DLG1: variants seen among roughly 807,000 people sequenced by gnomAD.
The protein encoded by DLG1 is disks large homolog 1.
Under a neutral mutation model 123.4 loss-of-function variants are expected in DLG1, and 42 were observed. The observed-to-expected ratio is 0.34, with a 90% CI of 0.27 to 0.44. DLG1 has a LOEUF of 0.44. Ranked by LOEUF, DLG1 falls within the 20% of genes least tolerant of loss-of-function variation. The pLI, the probability that DLG1 is intolerant of heterozygous loss-of-function variation, is 1.00. For synonymous variants in DLG1, 317 were observed against 356.2 expected, an observed-to-expected ratio of 0.89 and a Z score of 1.24; for missense variants, 942 against 1,082.6, an observed-to-expected ratio of 0.87 and a Z score of 1.82.
intron 4 of DLG1, among the ~76,000 whole-genome samples, chr3:197,248,683 C>T (rs552392936): frequency 2.4e-4 from 36 of 152,310 alleles, no homozygotes; most frequent in Non-Finnish European, 4.0e-4. Flanking sequence ...CTAAACTGAT[C>T]CCGACTGACT....
In DLG1 at chr3:197,109,428, G is replaced by A. The variant is rs115932487; in HGVS notation, c.1444-4423C>T. On this transcript the variant is annotated intron_variant, in intron 13 of 24. Coordinates refer to ENST00000667157, the MANE Select transcript of DLG1 (RefSeq NM_001366207.1). ...AACCTAGTTTCTTTACCCGCCTTGT[G>A]GTGTTGTCATATTAATTTTATGTTT... Among the ~76,000 whole-genome samples the A allele has an allele frequency of 8.4e-3, 1,275 of 152,128 alleles. 16 individuals carry two copies. Among genetic ancestry groups the A allele is most frequent in the African/African-American group, 0.029 (1,208 of 41,484 alleles).
Position 197,284,703 on chromosome 3 carries a change from AAGAAG to A in DLG1, c.152-1863_152-1859del, listed in dbSNP as rs1281820728. ...AAAATAATGATACACTACAGCAAGC[AAGAAG>A]AGAAAACAAGAAAATGCAGAAATAC... On this transcript the variant is annotated intron_variant, in intron 3 of 24. Coordinates refer to ENST00000667157, the MANE Select transcript of DLG1 (RefSeq NM_001366207.1). Among the ~76,000 whole-genome samples, 7 of 152,364 alleles carry A rather than the reference AAGAAG, an allele frequency of 4.6e-5. No individual in the cohort carries two copies. In the South Asian group the frequency reaches 1.0e-3, roughly 23 times the overall value.
At chr3:197,193,678 C>T (rs765061620) in intron 5 of DLG1, among the ~76,000 whole-genome samples, 3 of 151,892 alleles carry the variant, frequency 2.0e-5, no homozygotes, top group Non-Finnish European at 2.9e-5. Flanking sequence ...CCAAAATATG[C>T]AAAACAATTG....
chr3:197,226,450 A>T (rs1175699888), intron 4 of DLG1: 1 of 152,222 alleles, frequency 6.6e-6, no homozygotes, highest in Non-Finnish European at 1.5e-5. Context: ...TACACGGTTC[A>T]ATAAGAGATG....
intron 4 of DLG1, among the ~76,000 whole-genome samples, chr3:197,263,647 C>T (rs967338460): frequency 1.3e-5 from 2 of 151,904 alleles, no homozygotes; most frequent in African/African-American, 4.8e-5. Flanking sequence ...ATTAGCCAGG[C>T]GTGGTGGCGC....
At chr3:197,257,204 C>T (rs995861196) in intron 4 of DLG1, among the ~76,000 whole-genome samples, 1 of 149,116 alleles carries the variant, frequency 6.7e-6, no homozygotes, top group Admixed American at 6.7e-5. Context: ...GTGAAAGTAC[C>T]CTAATATAAA....
At chr3:197,143,579 A>G (rs1211347254) in intron 6 of DLG1, among the ~76,000 whole-genome samples, 3 of 152,152 alleles carry the variant, frequency 2.0e-5, no homozygotes, top group Admixed American at 1.3e-4. Flanking sequence ...TTTAAAGCCC[A>G]TAACATACTT....
chr3:197,154,166 G>C (rs1436312615), intron 5 of DLG1, among the ~76,000 whole-genome samples: 1 of 151,958 alleles, frequency 6.6e-6, no homozygotes, highest in Non-Finnish European at 1.5e-5. Flanking sequence ...GCTGGGTGTG[G>C]TGGCAGGTGC....
At chr3:197,136,949 C>A (rs1324289041) in intron 9 of DLG1, among the ~76,000 whole-genome samples, 2 of 152,260 alleles carry the variant, frequency 1.3e-5, no homozygotes, top group African/African-American at 2.4e-5. Context: ...AGTGACATTG[C>A]GAAATTATGT....
intron 4 of DLG1, among the ~76,000 whole-genome samples, chr3:197,211,642 T>G (rs1356981449): frequency 6.8e-6 from 1 of 146,682 alleles, no homozygotes; most frequent in Non-Finnish European, 1.5e-5. Flanking sequence ...AGGGAATACT[T>G]ATACACTGTT....
At chr3:197,262,853 C>T (rs951253584) in intron 4 of DLG1, among the ~76,000 whole-genome samples, 1 of 152,286 alleles carries the variant, frequency 6.6e-6, no homozygotes. Context: ...TTTTTCTCCT[C>T]TCAGACCTAA....
intron 14 of DLG1, among the ~76,000 whole-genome samples, chr3:197,094,692 T>C (rs1456169978): frequency 6.6e-6 from 1 of 152,188 alleles, no homozygotes; most frequent in Non-Finnish European, 1.5e-5. Flanking sequence ...TCCTATCATT[T>C]TGGATGTCTG....
At chr3:197,253,826 G>C (rs985162972) in intron 4 of DLG1, among the ~76,000 whole-genome samples, 2 of 151,954 alleles carry the variant, frequency 1.3e-5, no homozygotes, top group African/African-American at 2.4e-5. Flanking sequence ...GTTACTACTA[G>C]AGGAAACTGG....
intron 3 of DLG1, among the ~76,000 whole-genome samples, chr3:197,286,190 C>T (rs1771744670): frequency 6.6e-6 from 1 of 152,104 alleles, no homozygotes; most frequent in Non-Finnish European, 1.5e-5. Context: ...GTAAAAAGAT[C>T]AGTGGTTTTC....
chr3:197,049,682 GT>G (rs71161991), intron 24 of DLG1, among the ~76,000 whole-genome samples: 48,303 of 152,092 alleles, frequency 0.32, 9,616 homozygotes, highest in East Asian at 0.72. Context: ...AACCCGGGAG[GT>G]TGTGGTGAGC....
chr3:197,138,490 GAGA>G (rs1786228199), intron 8 of DLG1, 99 bp from the exon 9 acceptor site: 2 of 512,494 alleles, frequency 3.9e-6, no homozygotes, highest in Non-Finnish European at 5.6e-6. Context: ...TTAAGGTAAA[GAGA>G]ATTATAAATA....
intron 18 of DLG1, among the ~76,000 whole-genome samples, chr3:197,072,885 C>T (rs1342027491): frequency 2.0e-5 from 3 of 151,998 alleles, no homozygotes; most frequent in African/African-American, 7.3e-5. Context: ...TTAGTAGAGA[C>T]GGGGTTTTGC....
At chr3:197,066,849 C>T (rs1739948991) in intron 19 of DLG1, 95 bp from the exon 20 acceptor site, 2 of 765,186 alleles carry the variant, frequency 2.6e-6, no homozygotes, top group Non-Finnish European at 4.2e-6. Flanking sequence ...TAGAACTTTC[C>T]TGAGAAAATG....
At chr3:197,189,972 TATAAA>T (rs1218852951) in intron 5 of DLG1, among the ~76,000 whole-genome samples, 2 of 152,382 alleles carry the variant, frequency 1.3e-5, no homozygotes, top group East Asian at 3.9e-4. Flanking sequence ...TTTAAGCCTC[TATAAA>T]ATATTTCTTT....
Sources: allele counts gnomAD v4.1 joint callset (sites outside exome capture counted in the v4.1 genomes callset), GRCh38; gene constraint gnomAD v4.1.1; transcripts MANE v1.5; gene names NCBI Gene and HGNC (gene_info 2026-07-23, HGNC 2026-07-21).